The following PDE11A variants were observed in gnomAD, a reference collection of about 807,000 sequenced individuals.
The protein encoded by PDE11A is dual 3',5'-cyclic-AMP and -GMP phosphodiesterase 11A.
In PDE11A, 100 loss-of-function variants were observed where a neutral mutation model predicts 100.5. The ratio of observed to expected loss-of-function variants is 1.00; its 90% confidence interval spans 0.85 to 1.18. The LOEUF is 1.18. Ranked by LOEUF, PDE11A falls within the 50% of genes most tolerant of loss-of-function variation. The pLI is 0.00. For missense variants in PDE11A, 1,141 were observed against 1,152.6 expected (o/e 0.99, Z 0.15); for synonymous variants, 381 against 420.8 (o/e 0.91, Z 1.16).
At chr2:177,965,875 T>C (rs796292328) in intron 2 of PDE11A, among the ~76,000 whole-genome samples, 4 of 152,224 alleles carry the variant, frequency 2.6e-5, no homozygotes, top group African/African-American at 9.6e-5. Flanking sequence ...TTTAAAATAG[T>C]TTTTTCTAAT....
At chr2:177,971,851 C>A (rs1355596466) in intron 2 of PDE11A, among the ~76,000 whole-genome samples, 1 of 151,846 alleles carries the variant, frequency 6.6e-6, no homozygotes, top group African/African-American at 2.4e-5. Flanking sequence ...AAAATAGCAA[C>A]CTCTAAGTAA....
chr2:177,829,529 C>T (rs149152206), intron 6 of PDE11A, among the ~76,000 whole-genome samples: 3,847 of 151,902 alleles, frequency 0.025, 84 homozygotes, highest in African/African-American at 0.059. Flanking sequence ...CTGCAACCTC[C>T]GCCTCCTGAG....
At chr2:177,999,724 G>A (rs766132768) in intron 2 of PDE11A, among the ~76,000 whole-genome samples, 18 of 152,284 alleles carry the variant, frequency 1.2e-4, no homozygotes, top group East Asian at 5.8e-4. Flanking sequence ...GTTAAAGCCC[G>A]TTCCAGCCTT....
intron 17 of PDE11A, among the ~76,000 whole-genome samples, chr2:177,672,849 C>G (rs117375064): frequency 1.3e-5 from 2 of 152,044 alleles, no homozygotes; most frequent in Non-Finnish European, 2.9e-5. Context: ...TACACTTTGA[C>G]GAAGTTTGAT....
At chr2:177,945,504 G>C (rs528097175) in intron 2 of PDE11A, among the ~76,000 whole-genome samples, 5 of 146,494 alleles carry the variant, frequency 3.4e-5, no homozygotes, top group African/African-American at 1.3e-4. Flanking sequence ...GCCTCTGCCC[G>C]GCCGAGACCC....
At chr2:177,744,511 G>C (rs1473331317) in intron 10 of PDE11A, among the ~76,000 whole-genome samples, 5 of 152,164 alleles carry the variant, frequency 3.3e-5, no homozygotes, top group Non-Finnish European at 5.9e-5. Flanking sequence ...ATGAGGTGTA[G>C]GAGGTCAAGG....
intron 2 of PDE11A, chr2:177,921,794 G>A (rs1344645400): frequency 6.6e-6 from 1 of 152,128 alleles, no homozygotes; most frequent in Admixed American, 6.5e-5. Flanking sequence ...ATTCAGAAAA[G>A]CCGTTCCTAC....
chr2:177,917,220 A>G (rs1258170004), intron 2 of PDE11A, among the ~76,000 whole-genome samples: 1 of 152,038 alleles, frequency 6.6e-6, no homozygotes, highest in East Asian at 1.9e-4. Flanking sequence ...AGTTCAAATC[A>G]CCCAATTCCA....
At chr2:178,008,363 A>C (rs999951526) in intron 2 of PDE11A, among the ~76,000 whole-genome samples, 12 of 152,194 alleles carry the variant, frequency 7.9e-5, no homozygotes, top group Non-Finnish European at 1.6e-4. Context: ...AGGGTTGGCT[A>C]TTATAGTAGT....
At chr2:177,639,242 T>A (rs1028679725) in intron 19 of PDE11A, among the ~76,000 whole-genome samples, 1 of 152,366 alleles carries the variant, frequency 6.6e-6, no homozygotes, top group African/African-American at 2.4e-5. Flanking sequence ...TGTTGTTTCA[T>A]ATATTTTTCA....
chr2:178,028,411 T>G (rs74176585), intron 1 of PDE11A, among the ~76,000 whole-genome samples: 8,425 of 152,190 alleles, frequency 0.055, 293 homozygotes, highest in South Asian at 0.087. Flanking sequence ...ATTCAGAGGA[T>G]GGATCCCATC....
chr2:177,733,909 T>C (rs576277392), intron 10 of PDE11A, among the ~76,000 whole-genome samples: 33 of 152,314 alleles, frequency 2.2e-4, no homozygotes, highest in South Asian at 1.7e-3. Context: ...GCAACTGAAA[T>C]AAATAATGAA....
chr2:177,760,032 C>T (rs2105488565), intron 10 of PDE11A, among the ~76,000 whole-genome samples: 1 of 152,246 alleles, frequency 6.6e-6, no homozygotes, highest in Non-Finnish European at 1.5e-5. Context: ...ACATTGCTTC[C>T]ATTTTCCTAC....
chr2:177,924,364 A>G (rs150887460), intron 2 of PDE11A, among the ~76,000 whole-genome samples: 53 of 152,362 alleles, frequency 3.5e-4, no homozygotes, highest in African/African-American at 1.2e-3. Flanking sequence ...GCCAAAAGCA[A>G]TGATGCCTGT....
intron 2 of PDE11A, among the ~76,000 whole-genome samples, chr2:177,934,234 A>G (rs1206651358): frequency 6.6e-6 from 1 of 152,240 alleles, no homozygotes; most frequent in Non-Finnish European, 1.5e-5. Context: ...CAAACTATGC[A>G]TCAGACAAAG....
chr2:177,882,540 A>C (rs1369253971), intron 4 of PDE11A, among the ~76,000 whole-genome samples: 1 of 152,230 alleles, frequency 6.6e-6, no homozygotes, highest in African/African-American at 2.4e-5. Context: ...CTAAATGAAC[A>C]TGGATTAAAT....
chr2:178,003,922 T>C (rs2086174144), intron 2 of PDE11A, among the ~76,000 whole-genome samples: 1 of 152,150 alleles, frequency 6.6e-6, no homozygotes, highest in South Asian at 2.1e-4. Flanking sequence ...ATATTTGTAA[T>C]TTTGTAAGAA....
intron 19 of PDE11A, among the ~76,000 whole-genome samples, chr2:177,652,406 CG>C (rs2080324230): frequency 6.6e-6 from 1 of 151,826 alleles, no homozygotes; most frequent in Non-Finnish European, 1.5e-5. Context: ...AGCACAGGCA[CG>C]GGGTGTGGAA....
intron 1 of PDE11A, among the ~76,000 whole-genome samples, chr2:178,035,286 C>A (rs192363095): frequency 2.0e-5 from 3 of 151,980 alleles, no homozygotes; most frequent in Admixed American, 6.6e-5. Flanking sequence ...GAAGAAATGA[C>A]AAATTCCTGG....
Sources: allele counts gnomAD v4.1 joint callset (sites outside exome capture counted in the v4.1 genomes callset), GRCh38; gene constraint gnomAD v4.1.1; transcripts MANE v1.5; gene names NCBI Gene and HGNC (gene_info 2026-07-23, HGNC 2026-07-21).